Variants in DST observed in about 807,000 individuals in gnomAD.
The protein encoded by DST is dystonin.
DST carries 253 observed loss-of-function variants against 875.2 expected under a neutral mutation model. The ratio of observed to expected loss-of-function variants is 0.29; its 90% CI spans 0.26 to 0.32. DST has a LOEUF of 0.32. DST is among the 10% of genes least tolerant of loss of function. The pLI is 1.00. For missense variants in DST, 8,287 were observed against 9,111.6 expected (o/e 0.91, Z 3.68); for synonymous variants, 3,124 against 3,197.1 (o/e 0.98, Z 0.77).
chr6:56,608,763 T>C lies in DST; in HGVS notation c.5865A>G (p.Glu1955=), dbSNP rs1468194555. The C allele has an allele frequency of 1.2e-6, 2 of 1,609,522 alleles. No individual in the cohort carries two copies. Among genetic ancestry groups the C allele is most frequent in the Admixed American group, 1.7e-5 (1 of 59,230 alleles). Residue 1955 remains glutamate (E), a synonymous_variant, in exon 40 of 104, where the codon GAA becomes GAG. Coordinates refer to ENST00000680361, the MANE Select transcript of DST (RefSeq NM_001374736.1). The part of the protein sequence containing the change: ...GMWLLPVRPQ[E]GGRITLKCGR... ...CACATTTTAATGTTATTCTACCTCC[T>C]TCTTGTGGTCTCACAGGTAGAAGCC...
At chr6:56,474,876 T>C (rs1562228894) in intron 92 of DST, among the ~76,000 whole-genome samples, 1 of 149,246 alleles carries the variant, frequency 6.7e-6, no homozygotes, top group Non-Finnish European at 1.5e-5. Flanking sequence ...GGAGGATCAC[T>C]TGAGCCTAGG....
intron 9 of DST, among the ~76,000 whole-genome samples, chr6:56,682,510 C>T (rs575287938): frequency 1.3e-5 from 2 of 152,302 alleles, no homozygotes; most frequent in South Asian, 4.2e-4. Context: ...AACACTGATA[C>T]TTTACCCCAT....
intron 23 of DST, among the ~76,000 whole-genome samples, chr6:56,635,931 T>C (rs1414116040): frequency 3.9e-5 from 6 of 152,186 alleles, no homozygotes; most frequent in South Asian, 4.1e-4. Flanking sequence ...AAAGCTTATA[T>C]GATGTTTTGG....
intron 103 of DST, 136 bp from the exon 104 acceptor site, chr6:56,459,403 C>T: frequency 1.2e-6 from 1 of 852,542 alleles, no homozygotes; most frequent in Non-Finnish European, 1.8e-6. Flanking sequence ...GTTGTGGATT[C>T]ACAGCCTTTC....
chr6:56,509,935 T>C, intron 73 of DST, 62 bp from the exon 74 acceptor site: 1 of 1,284,636 alleles, frequency 7.8e-7, no homozygotes, highest in Non-Finnish European at 1.1e-6. Context: ...GTGTGAAATT[T>C]AAATGAAAAA....
intron 2 of DST, among the ~76,000 whole-genome samples, chr6:56,902,874 T>A (rs978285916): frequency 2.0e-5 from 3 of 152,270 alleles, no homozygotes; most frequent in African/African-American, 4.8e-5. Context: ...GGCTGCTTTT[T>A]ATGCAGCTTC....
intron 4 of DST, among the ~76,000 whole-genome samples, chr6:56,845,675 A>T (rs1469458804): frequency 6.6e-6 from 1 of 152,238 alleles, no homozygotes; most frequent in Non-Finnish European, 1.5e-5. Context: ...CAGACCACAC[A>T]TGTATAGACA....
At chr6:56,600,534 G>C (rs764022657) in intron 44 of DST, among the ~76,000 whole-genome samples, 2 of 151,956 alleles carry the variant, frequency 1.3e-5, no homozygotes, top group African/African-American at 4.8e-5. Flanking sequence ...TGAAACCTGC[G>C]ACACATAGAA....
chr6:56,823,850 A>G (rs2099775990), intron 4 of DST, among the ~76,000 whole-genome samples: 1 of 152,242 alleles, frequency 6.6e-6, no homozygotes, highest in Non-Finnish European at 1.5e-5. Context: ...AACTGAATTC[A>G]GAAAATCTTA....
At position 56,800,985 on chromosome 6, in the gene DST, A is replaced by C. The variant is rs1373222830; in HGVS notation, c.625+50412T>G. Among the ~76,000 whole-genome samples, 13 of 145,948 alleles carry C rather than the reference A, an allele frequency of 8.9e-5. No homozygotes were observed. The Admixed American group carries it at 9.4e-4, about 11-fold the overall frequency. ...CAGTAAGCCATGATCACACCAATGC[A>C]CTCCAGCCGGGGCAACAGAACAAAA... On this transcript the variant is annotated intron_variant, in intron 4 of 103. Transcript: ENST00000680361.
intron 49 of DST, among the ~76,000 whole-genome samples, chr6:56,585,971 A>AT (rs2098138753): frequency 7.5e-6 from 1 of 132,842 alleles, no homozygotes; most frequent in African/African-American, 2.6e-5. Context: ...AGTTTGTTAT[A>AT]ATTTCTGTTC....
At chr6:56,773,935 T>A (rs1590013658) in intron 4 of DST, among the ~76,000 whole-genome samples, 1 of 151,866 alleles carries the variant, frequency 6.6e-6, no homozygotes, top group South Asian at 2.1e-4. Flanking sequence ...TTGGCCAACA[T>A]GGTGAGAACC....
intron 91 of DST, 123 bp from the exon 92 acceptor site, chr6:56,476,460 TG>T: frequency 1.1e-5 from 9 of 850,514 alleles, no homozygotes; most frequent in Non-Finnish European, 1.5e-5. Context: ...ATAATGCTTC[TG>T]GTCTTTTTAG....
intron 17 of DST, among the ~76,000 whole-genome samples, chr6:56,640,886 C>A (rs2098890896): frequency 6.6e-6 from 1 of 152,000 alleles, no homozygotes; most frequent in Non-Finnish European, 1.5e-5. Context: ...AATCACATTG[C>A]TAAAATTTTG....
chr6:56,603,493 T>C, intron 41 of DST, 71 bp downstream of exon 41: 2 of 1,588,420 alleles, frequency 1.3e-6, no homozygotes, highest in Non-Finnish European at 8.6e-7. Flanking sequence ...AACATAGAAG[T>C]GTTCTGCTTC....
chr6:56,608,980 A>G lies in DST; in HGVS notation c.5648T>C (p.Val1883Ala). Residue 1883 changes from valine to alanine, a missense_variant, in exon 40 of 104, where the codon GTT becomes GCT. Val to Ala is a moderately conservative substitution (Grantham distance 64, BLOSUM62 0). Around this residue, in one of 10 missense-constraint regions of DST, gnomAD observed 3,138 missense variants for 3,116.6 expected, o/e 1.01. Coordinates refer to ENST00000680361, the MANE Select transcript of DST (RefSeq NM_001374736.1). ...LEILLSTGSLVIPATGEQLTL... is the reference protein window; with the variant it reads ...LEILLSTGSLAIPATGEQLTL... ...CAACTGTTCTCCTGTGGCTGGAATAACCAGAGAGCCTGTAGAAAGCAGTAT... is the reference window on the plus strand; with the variant it reads ...CAACTGTTCTCCTGTGGCTGGAATAGCCAGAGAGCCTGTAGAAAGCAGTAT... The G allele has an allele frequency of 4.3e-6, 7 of 1,613,896 alleles. No homozygotes were observed. The highest frequency in any genetic ancestry group is 5.9e-6 in the Non-Finnish European group (7 of 1,179,820).
intron 2 of DST, among the ~76,000 whole-genome samples, chr6:56,935,989 T>C (rs538218294): frequency 4.3e-4 from 65 of 152,150 alleles, no homozygotes; most frequent in African/African-American, 1.5e-3. Flanking sequence ...AAAAGAAACT[T>C]TTCCAAAATG....
At chr6:56,537,457 G>A (rs903709917) in intron 61 of DST, among the ~76,000 whole-genome samples, 1 of 152,200 alleles carries the variant, frequency 6.6e-6, no homozygotes, top group South Asian at 2.1e-4. Flanking sequence ...TGAGCCAAGT[G>A]GCCAAAACAT....
At chr6:56,680,193 C>A (rs1289086386) in intron 9 of DST, among the ~76,000 whole-genome samples, 1 of 152,164 alleles carries the variant, frequency 6.6e-6, no homozygotes, top group Non-Finnish European at 1.5e-5. Flanking sequence ...CACACCTCTA[C>A]CTGTTTTGAT....
Sources: gnomAD v4.1 joint callset for allele counts (sites outside exome capture counted in the v4.1 genomes callset) on GRCh38, gnomAD v4.1.1 for gene constraint, gnomAD v4.1.1 regional missense constraint, MANE v1.5 for transcripts, NCBI Gene and HGNC (gene_info 2026-07-23, HGNC 2026-07-21) for gene names.